The following MGST1 variants were observed in gnomAD, a reference collection of about 807,000 sequenced individuals.
MGST1 encodes microsomal glutathione S-transferase 1.
A neutral mutation model predicts 8.9 loss-of-function variants in MGST1; 5 were observed. The observed-to-expected ratio is 0.56, with a 90% confidence interval of 0.29 to 1.19. MGST1 has a LOEUF of 1.19. Ranked by LOEUF, MGST1 falls within the 50% of genes most tolerant of loss-of-function variation. MGST1 has a pLI of 0.08. For missense variants in MGST1, 182 were observed against 187.4 expected (o/e 0.97, Z 0.17); for synonymous variants, 54 against 67.8 (o/e 0.80, Z 1.00).
At chr12:16,453,130 T>C (rs949438741) in intron 4 of MGST1, among the ~76,000 whole-genome samples, 3 of 151,910 alleles carry the variant, frequency 2.0e-5, no homozygotes, top group Non-Finnish European at 4.4e-5. Flanking sequence ...CAGTGTGACA[T>C]GAACCAAGAA....
intron 1 of MGST1, among the ~76,000 whole-genome samples, chr12:16,435,445 T>A (rs1483510018): frequency 6.6e-6 from 1 of 151,946 alleles, no homozygotes; most frequent in Non-Finnish European, 1.5e-5. Flanking sequence ...CTAAACTTGA[T>A]TTTCTTCATT....
chr12:16,475,616 G>A (rs1332336704), intron 4 of MGST1, among the ~76,000 whole-genome samples: 2 of 152,146 alleles, frequency 1.3e-5, no homozygotes, highest in Non-Finnish European at 2.9e-5. Context: ...CTTAAGAGAG[G>A]AGTGGAGTAG....
intron 4 of MGST1, among the ~76,000 whole-genome samples, chr12:16,562,495 G>A (rs905919996): frequency 1.3e-5 from 2 of 151,992 alleles, no homozygotes; most frequent in Non-Finnish European, 2.9e-5. Context: ...AATTGCTCTC[G>A]CTAGCTGAGC....
chr12:16,526,523 TC>T (rs1411458729), intron 4 of MGST1, among the ~76,000 whole-genome samples: 1 of 151,980 alleles, frequency 6.6e-6, no homozygotes, highest in Non-Finnish European at 1.5e-5. Context: ...AAGATTTTTT[TC>T]CTTTGGAAAA....
chr12:16,356,118 CT>C (rs970153600), intron 2 of MGST1, among the ~76,000 whole-genome samples: 16 of 152,148 alleles, frequency 1.1e-4, no homozygotes, highest in African/African-American at 3.6e-4. Context: ...ACCTAATTAC[CT>C]CCCAAAGGCC....
chr12:16,538,669 C>T lies in MGST1; in HGVS notation n.483-50859C>T, dbSNP rs1197510607. 8.2e-5 allele frequency among the ~76,000 whole-genome samples: 12 copies of T among 146,132 alleles called. No individual in the cohort carries two copies. The East Asian group carries it at 1.2e-3, about 15-fold the overall frequency. On this transcript the variant is annotated intron_variant and non_coding_transcript_variant, in intron 4 of 4. Transcript: ENST00000538857. ...TGTCACCCAGGCTGGAGTGCCGTGG[C>T]GAGATCTCGGCTCACTGCAAGCTCC... is the stretch of plus-strand genomic sequence containing the variant.
In MGST1 at chr12:16,409,541, C is replaced by T. The variant is rs530195831; in HGVS notation, n.778+25937C>T. 1.1e-4 allele frequency among the ~76,000 whole-genome samples: 17 copies of T among 152,172 alleles called. No homozygotes were observed. The South Asian group carries it at 3.3e-3, about 30-fold the overall frequency. On this transcript the variant is annotated intron_variant and non_coding_transcript_variant, in intron 1 of 1. Coordinates refer to the MGST1 transcript ENST00000359720. Reference sequence around the variant, plus strand: ...ATAGGGTGAGAGAGAGAAAACTTTACTCTGAAGTATAAATGAATCCTCTCT... The same window carrying T: ...ATAGGGTGAGAGAGAGAAAACTTTATTCTGAAGTATAAATGAATCCTCTCT...
At chr12:16,519,151 G>A (rs1023377743) in intron 4 of MGST1, among the ~76,000 whole-genome samples, 3 of 152,168 alleles carry the variant, frequency 2.0e-5, no homozygotes. Context: ...TCCAACATTT[G>A]AGTCCCAGTT....
In MGST1 at chr12:16,362,121, A is replaced by G. The variant is rs1322700104; in HGVS notation, c.222-1674A>G. The stretch of plus-strand genomic sequence containing the variant: ...AACGTGCCTAAGATTGGAGGTGACG[A>G]TATCTCTGTGATGCTGGGGGAGAAA... On this transcript the variant is annotated intron_variant, in intron 3 of 3. Transcript: ENST00000396210. This position sits in a 1 kb window ranked among gnomAD's most constrained non-coding sequence, Gnocchi z 4.4. Among the ~76,000 whole-genome samples the G allele has an allele frequency of 6.6e-6, 1 of 152,166 alleles. No individual in the cohort carries two copies. Among genetic ancestry groups the G allele is most frequent in the African/African-American group, 2.4e-5 (1 of 41,438 alleles).
chr12:16,552,116 GTGT>G (rs1425208706), intron 4 of MGST1, among the ~76,000 whole-genome samples: 2 of 151,982 alleles, frequency 1.3e-5, no homozygotes, highest in Non-Finnish European at 2.9e-5. Context: ...TTTTTAATAA[GTGT>G]TCTTTCTGTA....
In MGST1 at chr12:16,506,121, A is replaced by C. The variant is rs980270816; in HGVS notation, n.483-83407A>C. 5.9e-5 allele frequency among the ~76,000 whole-genome samples: 9 copies of C among 152,168 alleles called. No individual in the cohort carries two copies. The East Asian group carries it at 1.7e-3, about 29-fold the overall frequency. Reference sequence around the variant, plus strand: ...CATTTTATGCTAATTGCAAGCTAACAATTTAGCCTGTTATAGTTTCATGGG... The same window carrying C: ...CATTTTATGCTAATTGCAAGCTAACCATTTAGCCTGTTATAGTTTCATGGG... On this transcript the variant is annotated intron_variant and non_coding_transcript_variant, in intron 4 of 4. Coordinates refer to the MGST1 transcript ENST00000538857.
intron 1 of MGST1, among the ~76,000 whole-genome samples, chr12:16,426,890 T>C (rs1227300793): frequency 6.8e-6 from 1 of 147,038 alleles, no homozygotes; most frequent in Non-Finnish European, 1.5e-5. Context: ...GAGAATGGCA[T>C]GAACCAGGAG....
At chr12:16,364,446 T>TATAAGGA, downstream of MGST1, 2 of 963,518 alleles carry the variant, frequency 2.1e-6, no homozygotes, top group Non-Finnish European at 2.5e-6. The surrounding 1 kb of genome is among the most constrained non-coding windows in gnomAD (Gnocchi z 5.7). Flanking sequence ...CATTTTATTT[T>TATAAGGA]CAAAAGTTTC....
chr12:16,392,757 TAC>T (rs976605623), intron 1 of MGST1, among the ~76,000 whole-genome samples: 2 of 152,164 alleles, frequency 1.3e-5, no homozygotes, highest in African/African-American at 4.8e-5. Flanking sequence ...TCTAGATATA[TAC>T]AAAGATATAT....
rs1054304850 is a variant in MGST1 at position 16,586,106 on chromosome 12, A to G, written n.483-3422A>G. On this transcript the variant is annotated intron_variant and non_coding_transcript_variant, in intron 4 of 4. Coordinates refer to the MGST1 transcript ENST00000538857. This position sits in a 1 kb window ranked among gnomAD's most constrained non-coding sequence, Gnocchi z 4.3. ...TAAAAATTTTTGAGGGGCCAAAACA[A>G]TAGGGGTCAAGATCAAAGACACAGG... Among the ~76,000 whole-genome samples, 3 of 152,188 alleles carry G rather than the reference A, an allele frequency of 2.0e-5. No homozygotes were observed. The highest frequency in any genetic ancestry group is 4.4e-5 in the Non-Finnish European group (3 of 68,032).
Position 16,362,915 on chromosome 12 carries a change from A to C in MGST1, c.222-880A>C, listed in dbSNP as rs1377420209. 2 of 152,236 alleles carry C rather than the reference A, an allele frequency of 1.3e-5. No homozygotes were observed. Among genetic ancestry groups the C allele is most frequent in the African/African-American group, 4.8e-5 (2 of 41,448 alleles). The allele number at this position is 152,236 out of a possible 1,614,324, so 9.4% of individuals were successfully genotyped here. ...ACCACTGCACTTCAGCCTGAGCAAC[A>C]GAGCAAGACCCCCTCTCTAAAAACA... is the stretch of plus-strand genomic sequence containing the variant. On this transcript the variant is annotated intron_variant, in intron 3 of 3. Coordinates refer to ENST00000396210, the MANE Select transcript of MGST1 (RefSeq NM_020300.5). This position sits in a 1 kb window ranked among gnomAD's most constrained non-coding sequence, Gnocchi z 4.4.
intron 4 of MGST1, among the ~76,000 whole-genome samples, chr12:16,499,862 C>A (rs189187508): frequency 1.3e-5 from 2 of 152,184 alleles, no homozygotes; most frequent in Admixed American, 6.5e-5. Context: ...CTTAAGGCTA[C>A]CAGAGAAATG....
chr12:16,508,283 C>T (rs546580183), intron 4 of MGST1, among the ~76,000 whole-genome samples: 1 of 152,264 alleles, frequency 6.6e-6, no homozygotes, highest in South Asian at 2.1e-4. Flanking sequence ...CATTAGAACT[C>T]AGCTCAAAAA....
chr12:16,429,848 G>A (rs1211313888), intron 1 of MGST1, among the ~76,000 whole-genome samples: 2 of 152,080 alleles, frequency 1.3e-5, no homozygotes, highest in African/African-American at 2.4e-5. Context: ...TGGGGTGGCT[G>A]TGGCAATTTT....
Sources: gnomAD v4.1 joint callset for allele counts (sites outside exome capture counted in the v4.1 genomes callset) on GRCh38, gnomAD v4.1.1 for gene constraint, Gnocchi (gnomAD v3.1) non-coding constraint, MANE v1.5 for transcripts, NCBI Gene and HGNC (gene_info 2026-07-23, HGNC 2026-07-21) for gene names.